The following IL34 variants were observed in gnomAD, a reference collection of about 807,000 sequenced individuals.
IL34 encodes interleukin-34.
IL34 carries 17 observed loss-of-function variants against 25.3 expected under a neutral mutation model. The ratio of observed to expected loss-of-function variants is 0.67; its 90% CI spans 0.46 to 1.01. IL34 has a LOEUF of 1.01. Among genes scored for constraint, IL34 ranks in the 50% least tolerant of loss-of-function variants. The probability of loss-of-function intolerance (pLI) is 0.00; values close to 1 mark genes in which losing one functional copy is unlikely to be tolerated. For synonymous variants in IL34, 174 were observed against 140.9 expected (o/e 1.23, Z -1.66); for missense variants, 368 against 312.9 (o/e 1.18, Z -1.33).
rs760301983 is a variant in IL34, at chr16:70,656,978, G to A, written c.259G>A (p.Glu87Lys). Residue 87 changes from glutamate to lysine, a missense_variant, in exon 4 of 6, where the codon GAG (glutamate) becomes AAG (lysine). Coordinates refer to ENST00000288098, the MANE Select transcript of IL34 (RefSeq NM_001393494.1). Reference sequence around the variant, plus strand: ...TCCGCAGCAGAGGGCCCAGGTGAGCGAGCGGGAGCTGCGGTATCTGTGGGT... The same window carrying A: ...TCCGCAGCAGAGGGCCCAGGTGAGCAAGCGGGAGCTGCGGTATCTGTGGGT... ...VTRLQRAQVS[E>K]RELRYLWVLV... 6.8e-6 allele frequency: 11 copies of A among 1,609,914 alleles called. No individual in the cohort carries two copies. The highest frequency in any genetic ancestry group is 1.3e-5 in the African/African-American group (1 of 74,796).
intron 1 of IL34, among the ~76,000 whole-genome samples, chr16:70,649,550 C>T (rs1185502713): frequency 6.6e-6 from 1 of 152,116 alleles, no homozygotes; most frequent in African/African-American, 2.4e-5. Flanking sequence ...TCGGTCCTAC[C>T]TCCTACTTCA....
At chr16:70,619,936 T>C (rs912193172) in intron 1 of IL34, among the ~76,000 whole-genome samples, 2 of 152,310 alleles carry the variant, frequency 1.3e-5, no homozygotes, top group Admixed American at 1.3e-4. Context: ...AGCAAGCTCC[T>C]GTGGGAGGAG....
At chr16:70,592,728 C>T (rs1390283700) in intron 1 of IL34, among the ~76,000 whole-genome samples, 2 of 152,140 alleles carry the variant, frequency 1.3e-5, no homozygotes, top group East Asian at 1.9e-4. Context: ...GATCTGGGCT[C>T]ACTGCAGCCT....
chr16:70,582,404 C>T (rs889243569), intron 1 of IL34, among the ~76,000 whole-genome samples: 5 of 152,242 alleles, frequency 3.3e-5, no homozygotes, highest in African/African-American at 9.6e-5. Context: ...CCGCTGTCAC[C>T]GGGGTAGGTT....
At chr16:70,605,606 A>G (rs1366187799) in intron 1 of IL34, among the ~76,000 whole-genome samples, 2 of 152,148 alleles carry the variant, frequency 1.3e-5, no homozygotes, top group Admixed American at 6.5e-5. Context: ...CAATTTAAGA[A>G]AACAGCTTAT....
intron 1 of IL34, among the ~76,000 whole-genome samples, chr16:70,640,879 C>T (rs1033095775): frequency 8.5e-5 from 13 of 152,070 alleles, no homozygotes; most frequent in Non-Finnish European, 1.8e-4. Context: ...GGGATGTCAC[C>T]GATATAATTT....
chr16:70,590,682 C>T (rs1378652535), intron 1 of IL34, among the ~76,000 whole-genome samples: 1 of 152,148 alleles, frequency 6.6e-6, no homozygotes, highest in Non-Finnish European at 1.5e-5. Context: ...GCGGTAGGGG[C>T]TGTCAACACC....
At chr16:70,623,884 C>A (rs1193025063) in intron 1 of IL34, among the ~76,000 whole-genome samples, 6 of 150,690 alleles carry the variant, frequency 4.0e-5, no homozygotes, top group South Asian at 4.3e-4. Flanking sequence ...TCAATACTCA[C>A]AACAGTTATG....
At position 70,659,997 on chromosome 16, in the gene IL34, G is replaced by A; in HGVS notation, c.539G>A (p.Cys180Tyr). The change falls in exon 6 of 6, where the codon TGT becomes TAT. Residue 180 changes from cysteine (C) to tyrosine (Y), a missense_variant and splice_region_variant. Physicochemically the swap from Cys to Tyr is radical, Grantham distance 194. Transcript: ENST00000288098. ...RVMELLYCSC[C>Y]KQSSVLNWQD... Reference sequence around the variant, plus strand: ...TTTTTTTTTCCCCTATCTCTTGCAGGTAAACAAAGCTCCGTCCTAAACTGG... The same window carrying A: ...TTTTTTTTTCCCCTATCTCTTGCAGATAAACAAAGCTCCGTCCTAAACTGG... 2 of 1,578,736 alleles carry A rather than the reference G, an allele frequency of 1.3e-6. No homozygotes were observed. Among genetic ancestry groups the A allele is most frequent in the Middle Eastern group, 1.7e-4 (1 of 5,874 alleles).
intron 1 of IL34, among the ~76,000 whole-genome samples, chr16:70,590,449 T>TC (rs2050739736): frequency 1.3e-5 from 2 of 152,150 alleles, no homozygotes; most frequent in Admixed American, 1.3e-4. Flanking sequence ...GCTGTGTACC[T>TC]CCGACGCTGT....
chr16:70,634,680 A>AG (rs1033702092), intron 1 of IL34, among the ~76,000 whole-genome samples: 18 of 123,526 alleles, frequency 1.5e-4, no homozygotes, highest in Non-Finnish European at 2.8e-4. Context: ...ATTCCGAATC[A>AG]AAAAAAAAAA....
chr16:70,583,249 A>G (rs948929621), intron 1 of IL34, among the ~76,000 whole-genome samples: 1 of 151,920 alleles, frequency 6.6e-6, no homozygotes, highest in African/African-American at 2.4e-5. Context: ...AGTAGCTGGG[A>G]TTACAGGCAC....
chr16:70,618,306 T>A (rs535410558), intron 1 of IL34, among the ~76,000 whole-genome samples: 2,613 of 150,822 alleles, frequency 0.017, 99 homozygotes, highest in African/African-American at 0.058. Context: ...CAGGTGGATC[T>A]GAGAGATACA....
intron 1 of IL34, among the ~76,000 whole-genome samples, chr16:70,629,895 C>T (rs1229602255): frequency 2.0e-5 from 3 of 152,064 alleles, no homozygotes; most frequent in Non-Finnish European, 4.4e-5. Context: ...AAAAAATGTA[C>T]AATTACATTA....
intron 1 of IL34, among the ~76,000 whole-genome samples, chr16:70,591,121 C>T (rs552562946): frequency 2.0e-5 from 3 of 152,330 alleles, no homozygotes; most frequent in Admixed American, 6.5e-5. Flanking sequence ...TGCCATTCAA[C>T]GAGACACTCC....
In IL34 at chr16:70,654,652, G is replaced by A; in HGVS notation, c.143G>A (p.Arg48Lys). 6.2e-7 allele frequency: 1 copy of A among 1,610,562 alleles called. No homozygotes were observed. Among genetic ancestry groups the A allele is most frequent in the Non-Finnish European group, 8.5e-7 (1 of 1,177,344 alleles). ...TTTCTGCGGGACAAGCTGCAGTACA[G>A]GAGCCGACTTCAGTACATGGTAACC... is the stretch of plus-strand genomic sequence containing the variant. Reference protein sequence around the residue: ...TGFLRDKLQYRSRLQYMKHYF... With the variant: ...TGFLRDKLQYKSRLQYMKHYF... Residue 48 changes from arginine (R) to lysine (K), a missense_variant, in exon 2 of 6, where the codon AGG becomes AAG. Arg to Lys is a conservative substitution (Grantham distance 26). Transcript: ENST00000288098.
chr16:70,651,224 G>C (rs898878634), intron 1 of IL34, among the ~76,000 whole-genome samples: 2 of 152,110 alleles, frequency 1.3e-5, no homozygotes, highest in African/African-American at 2.4e-5. Flanking sequence ...AAAGAGGTCT[G>C]TGTTGTGAGA....
chr16:70,584,948 G>A (rs964702020), intron 1 of IL34, among the ~76,000 whole-genome samples: 7 of 152,082 alleles, frequency 4.6e-5, no homozygotes, highest in Non-Finnish European at 8.8e-5. Flanking sequence ...CAATCTGCCC[G>A]CTTTGGTGTC....
At chr16:70,644,825 A>G (rs79182982), upstream of IL34, among the ~76,000 whole-genome samples, 6,175 of 137,030 alleles carry the variant, frequency 0.045, 242 homozygotes, top group Non-Finnish European at 0.061. Context: ...GGAAGGGAGG[A>G]GGAAGGAGGA....
Sources: gnomAD v4.1 joint callset for allele counts (sites outside exome capture counted in the v4.1 genomes callset) on GRCh38, gnomAD v4.1.1 for gene constraint, MANE v1.5 for transcripts, NCBI Gene and HGNC (gene_info 2026-07-23, HGNC 2026-07-21) for gene names.